MTUS2: variants seen among roughly 807,000 people sequenced by gnomAD.
MTUS2 encodes the protein microtubule associated scaffold protein 2.
In MTUS2, 40 loss-of-function variants were observed where a neutral mutation model predicts 114.1. The ratio of observed to expected loss-of-function variants is 0.35; its 90% CI spans 0.27 to 0.46. MTUS2 has a LOEUF of 0.46. Among genes scored for constraint, MTUS2 ranks in the 20% least tolerant of loss-of-function variants. The probability of loss-of-function intolerance (pLI) is 1.00; values close to 1 mark genes in which losing one functional copy is unlikely to be tolerated. For missense variants in MTUS2, 1,679 were observed against 1,705.4 expected (o/e 0.98, Z 0.27); for synonymous variants, 688 against 672.0 (o/e 1.02, Z -0.37).
At chr13:29,190,987 C>T (rs1369511623) in intron 5 of MTUS2, among the ~76,000 whole-genome samples, 1 of 152,068 alleles carries the variant, frequency 6.6e-6, no homozygotes, top group Non-Finnish European at 1.5e-5. Context: ...ATAAGAGAGC[C>T]TTTTTGGGAA....
chr13:28,995,677 T>G (rs1183743208), intron 2 of MTUS2, among the ~76,000 whole-genome samples: 2 of 152,176 alleles, frequency 1.3e-5, no homozygotes, highest in Non-Finnish European at 2.9e-5. Flanking sequence ...GAATGGGAGT[T>G]CACTCATGAT....
chr13:28,925,414 T>A (rs962327608), intron 2 of MTUS2, among the ~76,000 whole-genome samples: 11 of 152,350 alleles, frequency 7.2e-5, no homozygotes, highest in Non-Finnish European at 1.5e-4. Context: ...ATGTAATCAA[T>A]TTAAGTATTT....
intron 2 of MTUS2, among the ~76,000 whole-genome samples, chr13:28,867,609 C>G (rs1877377900): frequency 6.6e-6 from 1 of 152,188 alleles, no homozygotes; most frequent in African/African-American, 2.4e-5. Flanking sequence ...AACTCTATTA[C>G]AACTCTTAAT....
At chr13:28,929,448 T>C (rs1881496679) in intron 2 of MTUS2, among the ~76,000 whole-genome samples, 1 of 152,188 alleles carries the variant, frequency 6.6e-6, no homozygotes, top group Non-Finnish European at 1.5e-5. Context: ...ACATCTATTA[T>C]GTATCAATAA....
rs1222699467 is a variant in MTUS2 at position 29,414,317 on chromosome 13, AG to A, written c.3118-25660del. ...CTGGGGACTGTGGTGGGGTCGGGGG[AG>A]GGGGGAGGGATAGCATTGGGAGATA... is the stretch of plus-strand genomic sequence containing the variant. On this transcript the variant is annotated intron_variant, in intron 8 of 15. Coordinates refer to ENST00000612955, the MANE Select transcript of MTUS2 (RefSeq NM_001033602.4). Among the ~76,000 whole-genome samples the A allele has an allele frequency of 4.3e-5, 4 of 93,852 alleles. 1 individual carries two copies. Among genetic ancestry groups the A allele is most frequent in the East Asian group, 6.8e-4 (2 of 2,948 alleles). 61.6% of individuals were successfully genotyped at this position (93,852 alleles called of 152,430 possible). A position where few individuals can be genotyped will look rare whatever the true frequency, so the allele number is the denominator to read the frequency against.
chr13:29,307,587 C>A, intron 6 of MTUS2: 1 of 1,212,214 alleles, frequency 8.2e-7, no homozygotes, highest in Admixed American at 1.7e-5. Flanking sequence ...AGGGCCCCCT[C>A]AAGGGCATCC....
intron 4 of MTUS2, among the ~76,000 whole-genome samples, chr13:29,038,589 C>T (rs1031070024): frequency 6.6e-6 from 1 of 152,236 alleles, no homozygotes; most frequent in African/African-American, 2.4e-5. Flanking sequence ...ATCCACTGCT[C>T]TCTTCAGAGC....
intron 5 of MTUS2, among the ~76,000 whole-genome samples, chr13:29,189,908 A>G (rs1039708169): frequency 6.6e-6 from 1 of 152,216 alleles, no homozygotes; most frequent in Non-Finnish European, 1.5e-5. Context: ...CATTTGGGAA[A>G]TAATTAGGCT....
chr13:29,125,488 C>T (rs1157358510), intron 5 of MTUS2, among the ~76,000 whole-genome samples: 4 of 152,196 alleles, frequency 2.6e-5, no homozygotes, highest in Non-Finnish European at 5.9e-5. Flanking sequence ...AACGTTGAAT[C>T]TAAATGTTTT....
chr13:29,354,776 C>T (rs946256624), intron 7 of MTUS2, among the ~76,000 whole-genome samples: 5 of 152,112 alleles, frequency 3.3e-5, no homozygotes, highest in African/African-American at 1.2e-4. Flanking sequence ...AAGCCATTGC[C>T]AGTACTAAGT....
At chr13:28,834,691 A>T (rs1051635818) in intron 1 of MTUS2, among the ~76,000 whole-genome samples, 3 of 152,220 alleles carry the variant, frequency 2.0e-5, no homozygotes, top group African/African-American at 7.2e-5. Flanking sequence ...TAAAAATTAC[A>T]AAATTGTTTC....
intron 5 of MTUS2, among the ~76,000 whole-genome samples, chr13:29,207,766 A>G (rs1379675142): frequency 6.6e-6 from 1 of 152,206 alleles, no homozygotes; most frequent in Non-Finnish European, 1.5e-5. Context: ...CATCCCTAGT[A>G]TGAATCCCAC....
chr13:29,487,309 G>A (rs1407846242), intron 10 of MTUS2, among the ~76,000 whole-genome samples: 3 of 152,172 alleles, frequency 2.0e-5, no homozygotes, highest in African/African-American at 4.8e-5. Context: ...TTTGGAGTCA[G>A]ACAGACCTGG....
intron 4 of MTUS2, among the ~76,000 whole-genome samples, chr13:29,044,435 C>T (rs2138572370): frequency 6.6e-6 from 1 of 152,088 alleles, no homozygotes; most frequent in South Asian, 2.1e-4. Flanking sequence ...TGTTTTTGTG[C>T]TTGAAGTTTG....
At chr13:28,928,413 A>T (rs1881438760) in intron 2 of MTUS2, among the ~76,000 whole-genome samples, 1 of 152,240 alleles carries the variant, frequency 6.6e-6, no homozygotes, top group East Asian at 1.9e-4. Flanking sequence ...AATAGCAAAA[A>T]ACAAAATCCA....
chr13:29,013,676 C>G lies in MTUS2; in HGVS notation c.-242-10781C>G, dbSNP rs1885945503. ...GGTTAAAGGGGACATGTAACTCTGG[C>G]ATCACTTACAAATCCTGTACTCAGA... On this transcript the variant is annotated intron_variant, in intron 2 of 15. Transcript: ENST00000612955. Among the ~76,000 whole-genome samples, 4 of 152,294 alleles carry G rather than the reference C, an allele frequency of 2.6e-5. No homozygotes were observed. The South Asian group carries it at 8.3e-4, about 32-fold the overall frequency.
At chr13:28,993,629 G>A (rs1884957999) in intron 2 of MTUS2, among the ~76,000 whole-genome samples, 1 of 151,946 alleles carries the variant, frequency 6.6e-6, no homozygotes, top group African/African-American at 2.4e-5. Context: ...TTTGCATATG[G>A]CTAGCCAGCT....
chr13:29,380,415 A>G (rs917023441), intron 8 of MTUS2, among the ~76,000 whole-genome samples: 2 of 152,230 alleles, frequency 1.3e-5, no homozygotes, highest in African/African-American at 4.8e-5. Context: ...TTAAAGACAA[A>G]TAGTTTGAAG....
chr13:29,015,796 A>G (rs1445808868), intron 2 of MTUS2, among the ~76,000 whole-genome samples: 2 of 152,226 alleles, frequency 1.3e-5, no homozygotes, highest in Non-Finnish European at 2.9e-5. Flanking sequence ...AGAACATGAC[A>G]TGCAAAGTGA....
Sources: allele counts gnomAD v4.1 joint callset (sites outside exome capture counted in the v4.1 genomes callset), GRCh38; gene constraint gnomAD v4.1.1; transcripts MANE v1.5; gene names NCBI Gene and HGNC (gene_info 2026-07-23, HGNC 2026-07-21).